The following SH3D19 variants were observed in gnomAD, a reference collection of about 807,000 sequenced individuals.
The protein encoded by SH3D19 is SH3 domain-containing protein 19.
SH3D19 carries 58 observed loss-of-function variants against 112.1 expected under a neutral mutation model. The ratio of observed to expected loss-of-function variants is 0.52; its 90% CI spans 0.42 to 0.64. SH3D19 has a LOEUF of 0.64. Ranked by LOEUF, SH3D19 falls within the 30% of genes least tolerant of loss-of-function variation. SH3D19 has a pLI of 0.00. For missense variants in SH3D19, 1,090 were observed against 1,263.4 expected, an observed-to-expected ratio of 0.86 and a Z score of 2.08; for synonymous variants, 391 against 448.5, an observed-to-expected ratio of 0.87 and a Z score of 1.62.
At chr4:151,158,682 C>CAA (rs200621199) in intron 9 of SH3D19, among the ~76,000 whole-genome samples, 12 of 85,150 alleles carry the variant, frequency 1.4e-4, no homozygotes, top group African/African-American at 3.9e-4. Context: ...GTTGGAAGAC[C>CAA]AAAAAAAAAA....
chr4:151,127,765 C>T, intron 18 of SH3D19, 50 bp from the exon 19 acceptor site: 4 of 1,076,244 alleles, frequency 3.7e-6, no homozygotes, highest in Non-Finnish European at 3.9e-6. Flanking sequence ...TGGACTAAAA[C>T]ACAAATCTAA....
intron 2 of SH3D19, among the ~76,000 whole-genome samples, chr4:151,222,801 T>C (rs1034516930): frequency 2.6e-5 from 4 of 151,528 alleles, no homozygotes; most frequent in Admixed American, 2.6e-4. Context: ...GCCTCACAAG[T>C]AGCTGGGATT....
intron 1 of SH3D19, among the ~76,000 whole-genome samples, chr4:151,313,350 T>C (rs916805391): frequency 3.9e-5 from 6 of 152,178 alleles, no homozygotes; most frequent in African/African-American, 1.4e-4. Context: ...GAATGTCACA[T>C]TATTAAGCAT....
intron 1 of SH3D19, among the ~76,000 whole-genome samples, chr4:151,233,495 C>T (rs1356235180): frequency 1.3e-5 from 2 of 152,092 alleles, no homozygotes; most frequent in African/African-American, 4.8e-5. Flanking sequence ...CTTGGCTTGT[C>T]GTCCTTTCCT....
chr4:151,247,463 C>T (rs963702557), intron 1 of SH3D19, among the ~76,000 whole-genome samples: 2 of 152,132 alleles, frequency 1.3e-5, no homozygotes, highest in Non-Finnish European at 2.9e-5. Context: ...GAGTCAGATA[C>T]AGTCATATAT....
At chr4:151,270,943 GA>G (rs1393651511) in intron 1 of SH3D19, among the ~76,000 whole-genome samples, 2 of 151,982 alleles carry the variant, frequency 1.3e-5, no homozygotes, top group African/African-American at 4.8e-5. Context: ...TTTTTTTTGA[GA>G]CAGGGTCTCA....
chr4:151,122,805 A>C (rs1406793918), intron 19 of SH3D19, among the ~76,000 whole-genome samples: 1 of 151,708 alleles, frequency 6.6e-6, no homozygotes, highest in Non-Finnish European at 1.5e-5. Context: ...AAACACCACC[A>C]AAGTCCTAGA....
intron 7 of SH3D19, among the ~76,000 whole-genome samples, chr4:151,168,403 T>TTTC (rs1758478091): frequency 3.7e-5 from 1 of 27,054 alleles, no homozygotes; most frequent in African/African-American, 8.0e-5. Flanking sequence ...GCATTTCTTT[T>TTTC]TTTTTTTTTT....
chr4:151,198,727 C>A (rs1763949697), intron 2 of SH3D19, among the ~76,000 whole-genome samples: 2 of 151,804 alleles, frequency 1.3e-5, no homozygotes, highest in African/African-American at 4.8e-5. Context: ...CATAAAAATG[C>A]ATAAATTATT....
At chr4:151,299,577 T>C (rs1241488318) in intron 1 of SH3D19, among the ~76,000 whole-genome samples, 4 of 50,450 alleles carry the variant, frequency 7.9e-5, no homozygotes, top group African/African-American at 2.2e-4. Flanking sequence ...CGAAACTCCG[T>C]CTCAAAAAAA....
chr4:151,186,039 C>CG (rs148732454), intron 3 of SH3D19, among the ~76,000 whole-genome samples: 10 of 151,892 alleles, frequency 6.6e-5, no homozygotes, highest in Non-Finnish European at 8.8e-5. Context: ...GACCATGTAT[C>CG]GGGGGGGAAA....
At chr4:151,255,080 A>ACG (rs1243279603) in intron 1 of SH3D19, among the ~76,000 whole-genome samples, 11 of 121,416 alleles carry the variant, frequency 9.1e-5, no homozygotes, top group South Asian at 5.4e-4. Flanking sequence ...CGGGGGGCTG[A>ACG]CCCCCACCTC....
At chr4:151,279,884 T>C (rs768573097) in intron 1 of SH3D19, 1 of 1,600,842 alleles carries the variant, frequency 6.2e-7, no homozygotes, top group Non-Finnish European at 8.6e-7. Flanking sequence ...GCCTACACTT[T>C]GACCACAACT....
chr4:151,132,697 A>T (rs1022306751), intron 16 of SH3D19, among the ~76,000 whole-genome samples: 5 of 152,184 alleles, frequency 3.3e-5, no homozygotes, highest in African/African-American at 1.2e-4. Flanking sequence ...GTGCAGTGGT[A>T]CAATCATAGC....
chr4:151,211,527 T>C (rs188282596), intron 2 of SH3D19, among the ~76,000 whole-genome samples: 24 of 149,440 alleles, frequency 1.6e-4, no homozygotes, highest in Admixed American at 5.4e-4. Flanking sequence ...AAAGCTGAGA[T>C]AGGCCAGAAG....
chr4:151,312,063 C>G (rs574935168), intron 1 of SH3D19, among the ~76,000 whole-genome samples: 1 of 151,932 alleles, frequency 6.6e-6, no homozygotes, highest in Admixed American at 6.6e-5. Context: ...AAAAAGGTAG[C>G]TATGTGAGGT....
At chr4:151,128,945 CT>C (rs1263070828) in intron 17 of SH3D19, among the ~76,000 whole-genome samples, 16 of 152,074 alleles carry the variant, frequency 1.1e-4, no homozygotes, top group Non-Finnish European at 1.6e-4. Context: ...AGCCAAAAAA[CT>C]TTTTTCTTAA....
chr4:151,309,391 G>A (rs17027541), intron 1 of SH3D19, among the ~76,000 whole-genome samples: 11,612 of 152,086 alleles, frequency 0.076, 1,376 homozygotes, highest in African/African-American at 0.25. Flanking sequence ...AATTCATGGC[G>A]GGACTAAAAA....
At chr4:151,269,097 C>T (rs1773038870) in intron 1 of SH3D19, among the ~76,000 whole-genome samples, 1 of 152,208 alleles carries the variant, frequency 6.6e-6, no homozygotes, top group Admixed American at 6.5e-5. Context: ...TCCTCTCCAG[C>T]ACCTGTTGTT....
Sources: allele counts gnomAD v4.1 joint callset (sites outside exome capture counted in the v4.1 genomes callset), GRCh38; gene constraint gnomAD v4.1.1; transcripts MANE v1.5; gene names NCBI Gene and HGNC (gene_info 2026-07-23, HGNC 2026-07-21).